SLC24A2: variants seen among roughly 807,000 people sequenced by gnomAD.
SLC24A2 encodes the protein solute carrier family 24 member 2.
In SLC24A2, 36 loss-of-function variants were observed where a neutral mutation model predicts 62.0. The observed-to-expected ratio is 0.58, with a 90% CI of 0.44 to 0.77. The LOEUF (loss-of-function observed/expected upper bound fraction) is 0.77, where lower values mean the gene tolerates loss of function less well. Ranked by LOEUF, SLC24A2 falls within the 30% of genes least tolerant of loss-of-function variation. SLC24A2 has a pLI of 0.00. For missense variants in SLC24A2, 846 were observed against 817.9 expected (o/e 1.03, Z -0.42); for synonymous variants, 358 against 294.0 (o/e 1.22, Z -2.23).
At chr9:19,911,892 G>T in the SLC24A2 span, among the ~76,000 whole-genome samples, 1 of 152,066 alleles carries the variant, frequency 6.6e-6, no homozygotes, top group African/African-American at 2.4e-5. Context: ...GAACTTGGGG[G>T]TTAAACAAAC....
chr9:19,603,818 C>T (rs975076583), intron 4 of SLC24A2, among the ~76,000 whole-genome samples: 10 of 152,256 alleles, frequency 6.6e-5, no homozygotes, highest in African/African-American at 2.4e-4. Context: ...TGTGATTTTG[C>T]GTTGGAATTT....
Position 19,512,809 on chromosome 9 carries a change from A to G in SLC24A2, c.*3344T>C, listed in dbSNP as rs942535004. 3.3e-5 allele frequency: 5 copies of G among 152,084 alleles called. No homozygotes were observed. The highest frequency in any genetic ancestry group is 1.2e-4 in the African/African-American group (5 of 41,398). 9.4% of individuals were successfully genotyped at this position (152,084 alleles called of 1,614,324 possible). A position where few individuals can be genotyped will look rare whatever the true frequency, so the allele number is the denominator to read the frequency against. ...TATACCCTGCTCCAGAGAAGCAAAGAGAGTATCTGCAGTCTAAATTTTTGC... is the reference window on the plus strand; with the variant it reads ...TATACCCTGCTCCAGAGAAGCAAAGGGAGTATCTGCAGTCTAAATTTTTGC... On this transcript the variant is annotated 3_prime_UTR_variant, in exon 11 of 11. Coordinates refer to ENST00000341998, the MANE Select transcript of SLC24A2 (RefSeq NM_020344.4).
At chr9:19,988,494 G>A in the SLC24A2 span, among the ~76,000 whole-genome samples, 1 of 152,152 alleles carries the variant, frequency 6.6e-6, no homozygotes, top group African/African-American at 2.4e-5. Context: ...AGTTTCGACT[G>A]GCACAATCAG....
chr9:19,612,596 C>G (rs1246756966), intron 4 of SLC24A2, among the ~76,000 whole-genome samples: 1 of 152,184 alleles, frequency 6.6e-6, no homozygotes, highest in Non-Finnish European at 1.5e-5. Context: ...GGTCACACAC[C>G]TAGTGAAGGA....
chr9:19,962,676 A>G, the SLC24A2 span, among the ~76,000 whole-genome samples: 1 of 152,176 alleles, frequency 6.6e-6, no homozygotes, highest in Non-Finnish European at 1.5e-5. Flanking sequence ...TTATTGGTGT[A>G]TAAGAATGCT....
At chr9:20,007,879 CTTTTTTTTTTTTTTTTTTTTT>C in the SLC24A2 span, among the ~76,000 whole-genome samples, 1,384 of 39,562 alleles carry the variant, frequency 0.035, 32 homozygotes, top group Non-Finnish European at 0.048. Flanking sequence ...TTACTCCTCT[CTTTTTTTTTTTTTTTTTTTTT>C]TTTTTTTTTT....
At chr9:20,299,941 T>C in the SLC24A2 span, among the ~76,000 whole-genome samples, 1 of 152,262 alleles carries the variant, frequency 6.6e-6, no homozygotes, top group Admixed American at 6.5e-5. Flanking sequence ...ATAACTCTGA[T>C]GACTTTGAAT....
chr9:19,538,384 A>G (rs1834080440), intron 8 of SLC24A2, among the ~76,000 whole-genome samples: 1 of 128,098 alleles, frequency 7.8e-6, no homozygotes, highest in Admixed American at 8.0e-5. Context: ...TCCCATCAAT[A>G]CCTAATTTAT....
chr9:19,556,060 G>C (rs1041359260), intron 7 of SLC24A2, among the ~76,000 whole-genome samples: 1 of 152,156 alleles, frequency 6.6e-6, no homozygotes, highest in African/African-American at 2.4e-5. Flanking sequence ...TGGAGGCTCG[G>C]CCATCAGAAC....
chr9:19,763,414 T>C (rs1048638327), intron 2 of SLC24A2, among the ~76,000 whole-genome samples: 3 of 152,248 alleles, frequency 2.0e-5, no homozygotes, highest in African/African-American at 7.2e-5. Flanking sequence ...AGGGAATGCT[T>C]CCAGCTTTTG....
chr9:20,227,437 C>T, the SLC24A2 span, among the ~76,000 whole-genome samples: 1 of 151,054 alleles, frequency 6.6e-6, no homozygotes, highest in Non-Finnish European at 1.5e-5. Context: ...ATAGCTCAAC[C>T]ATGTGAGGTG....
At chr9:19,579,411 A>T (rs954845002) in intron 5 of SLC24A2, among the ~76,000 whole-genome samples, 1 of 152,150 alleles carries the variant, frequency 6.6e-6, no homozygotes, top group Non-Finnish European at 1.5e-5. Context: ...CCTAAAGAGG[A>T]GTTACTTTTT....
intron 2 of SLC24A2, among the ~76,000 whole-genome samples, chr9:19,690,085 ATG>A (rs1385699966): frequency 6.6e-6 from 1 of 152,136 alleles, no homozygotes; most frequent in African/African-American, 2.4e-5. Context: ...ATGCCAGATC[ATG>A]TGATTTCTCA....
the SLC24A2 span, among the ~76,000 whole-genome samples, chr9:19,880,135 T>C: frequency 1.3e-5 from 2 of 152,232 alleles, no homozygotes; most frequent in South Asian, 2.1e-4. Flanking sequence ...GGCAGTATTA[T>C]AATGCAATTA....
the SLC24A2 span, among the ~76,000 whole-genome samples, chr9:19,884,571 G>GTA: frequency 6.6e-6 from 1 of 152,078 alleles, no homozygotes; most frequent in Non-Finnish European, 1.5e-5. Context: ...ATGTATATAT[G>GTA]TATATATATT....
chr9:19,761,419 A>G (rs1416686188), intron 2 of SLC24A2, among the ~76,000 whole-genome samples: 1 of 151,642 alleles, frequency 6.6e-6, no homozygotes, highest in African/African-American at 2.4e-5. Flanking sequence ...AGTGATGATG[A>G]GCTTTTTTTC....
chr9:19,897,355 TA>T, the SLC24A2 span, among the ~76,000 whole-genome samples: 1 of 152,172 alleles, frequency 6.6e-6, no homozygotes, highest in Non-Finnish European at 1.5e-5. Flanking sequence ...TCCCAAAACT[TA>T]AAAATTCCTT....
the SLC24A2 span, among the ~76,000 whole-genome samples, chr9:19,925,648 ATT>A: frequency 2.6e-5 from 4 of 152,256 alleles, no homozygotes; most frequent in East Asian, 7.7e-4. Flanking sequence ...TGCGTCATGT[ATT>A]TTTCACAGGA....
chr9:19,578,174 TCAC>T (rs1373106156), intron 5 of SLC24A2, among the ~76,000 whole-genome samples: 4 of 151,634 alleles, frequency 2.6e-5, no homozygotes, highest in African/African-American at 9.7e-5. Flanking sequence ...ATCTCACAAA[TCAC>T]CACTAAAGAA....
Sources: allele counts gnomAD v4.1 joint callset (sites outside exome capture counted in the v4.1 genomes callset), GRCh38; gene constraint gnomAD v4.1.1; transcripts MANE v1.5; gene names NCBI Gene and HGNC (gene_info 2026-07-23, HGNC 2026-07-21).